Variants in ADGRL3 observed in about 807,000 individuals in gnomAD.
ADGRL3 encodes adhesion G protein-coupled receptor L3, also known as calcium-independent alpha-latrotoxin receptor 3.
Under a neutral mutation model 153.5 loss-of-function variants are expected in ADGRL3, and 62 were observed. The ratio of observed to expected loss-of-function variants is 0.40; its 90% CI spans 0.33 to 0.50. The LOEUF (loss-of-function observed/expected upper bound fraction) is 0.50, where lower values mean the gene tolerates loss of function less well. Among genes scored for constraint, ADGRL3 ranks in the 20% least tolerant of loss-of-function variants. The pLI is 0.47. For missense variants in ADGRL3, 1,641 were observed against 1,859.4 expected (o/e 0.88, Z 2.16); for synonymous variants, 710 against 672.5 (o/e 1.06, Z -0.86).
At chr4:61,260,278 A>G (rs1505674) in intron 1 of ADGRL3, among the ~76,000 whole-genome samples, 8 of 152,082 alleles carry the variant, frequency 5.3e-5, no homozygotes, top group African/African-American at 1.9e-4. Flanking sequence ...TTTTATTATT[A>G]CCTTTTACTA....
chr4:61,449,148 A>T lies in ADGRL3; in HGVS notation c.-173-47973A>T, dbSNP rs548409160. Among the ~76,000 whole-genome samples, 289 of 151,582 alleles carry T rather than the reference A, an allele frequency of 1.9e-3. 1 individual carries two copies. The highest frequency in any genetic ancestry group is 3.1e-3 in the Non-Finnish European group (210 of 67,870). On this transcript the variant is annotated intron_variant, in intron 2 of 26. Coordinates refer to ENST00000683033, the MANE Select transcript of ADGRL3 (RefSeq NM_001387552.1). Reference sequence around the variant, plus strand: ...TTTATTTAATTTAATTAATTAATTTATTTTTTGAGACGGAGTCTCACTCTG... The same window carrying T: ...TTTATTTAATTTAATTAATTAATTTTTTTTTTGAGACGGAGTCTCACTCTG...
chr4:61,957,489 A>G (rs1581631182), intron 17 of ADGRL3, among the ~76,000 whole-genome samples: 1 of 152,128 alleles, frequency 6.6e-6, no homozygotes, highest in East Asian at 1.9e-4. Flanking sequence ...ATCTCTCTAT[A>G]TAAAAGAGGA....
intron 2 of ADGRL3, among the ~76,000 whole-genome samples, chr4:61,386,170 G>A (rs939070327): frequency 1.3e-4 from 20 of 152,030 alleles, no homozygotes; most frequent in Admixed American, 6.6e-4. Flanking sequence ...TAGCCCTAAC[G>A]TCAAAATTGG....
At chr4:61,859,778 A>G (rs1259311798) in intron 9 of ADGRL3, among the ~76,000 whole-genome samples, 2 of 152,206 alleles carry the variant, frequency 1.3e-5, no homozygotes, top group African/African-American at 2.4e-5. Flanking sequence ...GTGTAGTACT[A>G]AAGTGACATT....
intron 4 of ADGRL3, among the ~76,000 whole-genome samples, chr4:61,531,698 TC>T (rs1560793252): frequency 6.6e-6 from 1 of 151,050 alleles, no homozygotes; most frequent in Non-Finnish European, 1.5e-5. Flanking sequence ...AATACTGATT[TC>T]AATAATCTTT....
chr4:61,759,005 GC>G (rs1278450839), intron 8 of ADGRL3, among the ~76,000 whole-genome samples: 3 of 152,084 alleles, frequency 2.0e-5, no homozygotes, highest in African/African-American at 4.8e-5. Flanking sequence ...TTGAATATTG[GC>G]CCCCACTGTC....
At chr4:61,464,485 A>C (rs2097857414) in intron 2 of ADGRL3, among the ~76,000 whole-genome samples, 1 of 152,114 alleles carries the variant, frequency 6.6e-6, no homozygotes. Flanking sequence ...TTGTTTCTTT[A>C]TATGATATTT....
chr4:62,006,577 ATTTTTTTT>A (rs34336604), intron 21 of ADGRL3, among the ~76,000 whole-genome samples: 2 of 130,786 alleles, frequency 1.5e-5, no homozygotes, highest in African/African-American at 5.6e-5. Flanking sequence ...CAATGTATAG[ATTTTTTTT>A]TTTTTTTTTG....
intron 8 of ADGRL3, among the ~76,000 whole-genome samples, chr4:61,765,332 C>T (rs553837231): frequency 7.9e-5 from 12 of 152,126 alleles, no homozygotes; most frequent in East Asian, 1.9e-4. Flanking sequence ...TAAAAAGGAG[C>T]GTCTATACAG....
At chr4:61,372,773 G>A (rs983297325) in intron 1 of ADGRL3, among the ~76,000 whole-genome samples, 83 of 152,118 alleles carry the variant, frequency 5.5e-4, no homozygotes, top group Non-Finnish European at 8.2e-4. Context: ...CGAGCTTCCC[G>A]GCTGCTTTGT....
rs1205488947 is a variant in ADGRL3, at chr4:62,070,412, A to G, written c.4136A>G (p.Asp1379Gly). The G allele has an allele frequency of 6.4e-7, 1 of 1,551,990 alleles. No homozygotes were observed. Among genetic ancestry groups the G allele is most frequent in the East Asian group, 2.4e-5 (1 of 40,866 alleles). Reference sequence around the variant, plus strand: ...AGGGAAGATGATGCCATTGTCCTGGATGATGCCACCTCGTTTAACCACGAG... The same window carrying G: ...AGGGAAGATGATGCCATTGTCCTGGGTGATGCCACCTCGTTTAACCACGAG... ...SGREDDAIVL[D>G]DATSFNHEES... Residue 1379 changes from aspartate (D) to glycine (G), a missense_variant, in exon 27 of 27, where the codon GAT becomes GGT. Asp to Gly is a moderately conservative substitution (Grantham distance 94). Around this residue, in one of 5 missense-constraint regions of ADGRL3, gnomAD observed 517 missense variants for 555.0 expected, o/e 0.93. Transcript: ENST00000683033.
chr4:61,267,011 G>A (rs2092888207), intron 1 of ADGRL3, among the ~76,000 whole-genome samples: 1 of 151,526 alleles, frequency 6.6e-6, no homozygotes, highest in African/African-American at 2.4e-5. Flanking sequence ...CTTTGTCAAA[G>A]TATTATAATA....
At chr4:61,869,936 T>TAAAAAAAAAAAAAAAAAAAAAAAAAAA (rs1190618911) in intron 9 of ADGRL3, among the ~76,000 whole-genome samples, 2 of 10,504 alleles carry the variant, frequency 1.9e-4, no homozygotes, top group Non-Finnish European at 2.6e-4. Flanking sequence ...AAAACTTTGT[T>TAAAAAAAAAAAAAAAAAAAAAAAAAAA]AAAAAAAAAA....
At chr4:61,883,438 A>G (rs963883476) in intron 9 of ADGRL3, among the ~76,000 whole-genome samples, 1 of 152,188 alleles carries the variant, frequency 6.6e-6, no homozygotes, top group Admixed American at 6.5e-5. Context: ...TGAAACATTT[A>G]TTAAGCTATT....
At chr4:61,625,795 A>G (rs1295292681) in intron 5 of ADGRL3, among the ~76,000 whole-genome samples, 1 of 152,092 alleles carries the variant, frequency 6.6e-6, no homozygotes, top group Admixed American at 6.6e-5. Flanking sequence ...TTAAAGGAGG[A>G]ATAAAGATGA....
chr4:61,382,386 T>C (rs2096680274), intron 1 of ADGRL3, among the ~76,000 whole-genome samples: 1 of 151,628 alleles, frequency 6.6e-6, no homozygotes. Context: ...AAAATTGATA[T>C]GGCCAGTTGC....
intron 9 of ADGRL3, among the ~76,000 whole-genome samples, chr4:61,820,002 G>A (rs2881027): frequency 5.3e-5 from 8 of 151,470 alleles, no homozygotes; most frequent in African/African-American, 9.7e-5. Flanking sequence ...CTTTCAATTC[G>A]CTTGATTTAT....
intron 17 of ADGRL3, among the ~76,000 whole-genome samples, chr4:61,978,717 G>A (rs1009996259): frequency 3.3e-5 from 5 of 152,190 alleles, no homozygotes; most frequent in Non-Finnish European, 5.9e-5. Flanking sequence ...CATGGCAGAC[G>A]TGGAGCTTCC....
At chr4:61,237,365 C>T (rs1460873037) in intron 1 of ADGRL3, among the ~76,000 whole-genome samples, 1 of 152,092 alleles carries the variant, frequency 6.6e-6, no homozygotes, top group Non-Finnish European at 1.5e-5. Context: ...ATTCATTTGG[C>T]TAACAGAGCT....
Sources: gnomAD v4.1 joint callset for allele counts (sites outside exome capture counted in the v4.1 genomes callset) on GRCh38, gnomAD v4.1.1 for gene constraint, gnomAD v4.1.1 regional missense constraint, MANE v1.5 for transcripts, NCBI Gene and HGNC (gene_info 2026-07-23, HGNC 2026-07-21) for gene names.